Variants in TTC28 observed in about 807,000 individuals in gnomAD.
TTC28 encodes tetratricopeptide repeat domain 28.
A neutral mutation model predicts 198.0 loss-of-function variants in TTC28; 61 were observed. The observed-to-expected ratio is 0.31, with a 90% CI of 0.25 to 0.38. The LOEUF is 0.38. Among genes scored for constraint, TTC28 ranks in the 10% least tolerant of loss-of-function variants. The probability of loss-of-function intolerance (pLI) is 1.00; values close to 1 mark genes in which losing one functional copy is unlikely to be tolerated. For missense variants in TTC28, 2,678 were observed against 3,164.0 expected (o/e 0.85, Z 3.69); for synonymous variants, 1,171 against 1,297.8 (o/e 0.90, Z 2.10).
intron 5 of TTC28, among the ~76,000 whole-genome samples, chr22:28,276,318 T>G (rs769280773): frequency 6.6e-6 from 1 of 152,142 alleles, no homozygotes. Flanking sequence ...TGGCCCACTA[T>G]TTTTTATTAT....
At position 27,992,641 on chromosome 22, in the gene TTC28, T is replaced by C. The variant is rs984516842; in HGVS notation, c.5499A>G (p.Gln1833=). 72 of 1,551,466 alleles carry C rather than the reference T, an allele frequency of 4.6e-5. No individual in the cohort carries two copies. The highest frequency in any genetic ancestry group is 5.8e-5 in the Non-Finnish European group (66 of 1,146,990). The change falls in exon 19 of 23, where the codon CAA becomes CAG. Residue 1833 remains glutamine (Q), a synonymous_variant. Coordinates refer to ENST00000397906, the MANE Select transcript of TTC28 (RefSeq NM_001145418.2). ...AGGCAGTGATGAGTTTGCAAAGGGC[T>C]TGGAGGGCAGGATTGGGCAGACCTA... ...SLLGLPNPAL[Q]ALCKLITASE...
rs772398347 is a variant in TTC28 at position 27,998,834 on chromosome 22, C to T, written c.4825G>A (p.Ala1609Thr). 3.4e-5 allele frequency: 52 copies of T among 1,550,140 alleles called. No homozygotes were observed. In the East Asian group the frequency reaches 7.6e-4, roughly 23 times the overall value. The change falls in exon 16 of 23, where the codon GCC (alanine) becomes ACC (threonine). Residue 1609 changes from alanine to threonine, a missense_variant. By Grantham distance (58) the Ala-to-Thr change is moderately conservative. This residue lies in a region of TTC28 where 727 missense variants were observed against 861.9 expected (regional missense o/e 0.84). Coordinates refer to ENST00000397906, the MANE Select transcript of TTC28 (RefSeq NM_001145418.2). ...GGCAGCTGCAGGTCCAGGACGTCGGCGGCAGTAAGCAGCAGCTCCTGCAGG... is the reference window on the plus strand; with the variant it reads ...GGCAGCTGCAGGTCCAGGACGTCGGTGGCAGTAAGCAGCAGCTCCTGCAGG... ...PPLQELLLTA[A>T]DVLDLQLPVK...
chr22:28,508,610 T>C (rs1007337316), intron 2 of TTC28, among the ~76,000 whole-genome samples: 1 of 151,302 alleles, frequency 6.6e-6, no homozygotes, highest in Non-Finnish European at 1.5e-5. Context: ...AAACCAACAA[T>C]GATCAAAAAA....
chr22:28,532,070 T>C (rs2049152549), intron 2 of TTC28, among the ~76,000 whole-genome samples: 1 of 151,928 alleles, frequency 6.6e-6, no homozygotes, highest in African/African-American at 2.4e-5. Flanking sequence ...AGAGCAGAAC[T>C]GAAGGAGACA....
At chr22:28,335,971 G>A (rs1268428233) in intron 2 of TTC28, among the ~76,000 whole-genome samples, 1 of 152,130 alleles carries the variant, frequency 6.6e-6, no homozygotes, top group African/African-American at 2.4e-5. Context: ...TATTGGCTGT[G>A]GGTTTGTCAT....
chr22:28,609,718 G>A (rs1273373556), intron 2 of TTC28, among the ~76,000 whole-genome samples: 1 of 152,026 alleles, frequency 6.6e-6, no homozygotes. Flanking sequence ...AGTGGCGCCT[G>A]GAATGCCAGT....
intron 5 of TTC28, among the ~76,000 whole-genome samples, chr22:28,233,132 A>G (rs1356124166): frequency 6.6e-6 from 1 of 152,074 alleles, no homozygotes; most frequent in African/African-American, 2.4e-5. Flanking sequence ...TTAATTTTCA[A>G]TTGCTTTTCC....
At chr22:28,123,241 T>G (rs993655728) in intron 6 of TTC28, among the ~76,000 whole-genome samples, 44 of 147,174 alleles carry the variant, frequency 3.0e-4, no homozygotes, top group Admixed American at 1.3e-3. Context: ...CTGTTTCAGG[T>G]TTTTTTTTTT....
intron 2 of TTC28, among the ~76,000 whole-genome samples, chr22:28,335,058 C>G (rs1388800931): frequency 6.6e-6 from 1 of 152,134 alleles, no homozygotes; most frequent in East Asian, 1.9e-4. Context: ...GATCCAGTTT[C>G]AGCTTTCTAC....
chr22:28,350,721 G>T (rs1388031492), intron 2 of TTC28, among the ~76,000 whole-genome samples: 3 of 152,060 alleles, frequency 2.0e-5, no homozygotes, highest in Non-Finnish European at 2.9e-5. Flanking sequence ...AAACAAAGAG[G>T]GCAGGAGTTA....
intron 5 of TTC28, among the ~76,000 whole-genome samples, chr22:28,197,959 C>T (rs1925540027): frequency 6.6e-6 from 1 of 152,074 alleles, no homozygotes; most frequent in Non-Finnish European, 1.5e-5. Flanking sequence ...TTTCACTTCA[C>T]CTTTCAAACA....
intron 6 of TTC28, among the ~76,000 whole-genome samples, chr22:28,112,201 T>C (rs1942501661): frequency 1.3e-5 from 2 of 152,186 alleles, no homozygotes; most frequent in Admixed American, 6.5e-5. Flanking sequence ...TCAATATACT[T>C]TGTAAACTAA....
chr22:28,134,423 G>C (rs1397170506), intron 6 of TTC28, among the ~76,000 whole-genome samples: 1 of 152,174 alleles, frequency 6.6e-6, no homozygotes, highest in Non-Finnish European at 1.5e-5. Context: ...ACTAAAGGAG[G>C]AAGTTCGAAC....
At chr22:28,056,616 G>C (rs1487977191) in intron 12 of TTC28, among the ~76,000 whole-genome samples, 1 of 105,052 alleles carries the variant, frequency 9.5e-6, no homozygotes, top group Non-Finnish European at 2.0e-5. Flanking sequence ...ATACATTTAT[G>C]GTTTTTAATA....
intron 2 of TTC28, among the ~76,000 whole-genome samples, chr22:28,465,645 T>C (rs1402918482): frequency 2.6e-5 from 4 of 152,078 alleles, no homozygotes; most frequent in Non-Finnish European, 5.9e-5. Flanking sequence ...AATTATGCCT[T>C]ATCCTGATTA....
chr22:28,152,175 A>T (rs1485119899), intron 6 of TTC28, among the ~76,000 whole-genome samples: 2 of 152,204 alleles, frequency 1.3e-5, no homozygotes, highest in Non-Finnish European at 2.9e-5. Flanking sequence ...CAATGCAAGT[A>T]ATCAATAGAC....
At chr22:28,027,885 T>C (rs1569091255) in intron 13 of TTC28, among the ~76,000 whole-genome samples, 1 of 152,246 alleles carries the variant, frequency 6.6e-6, no homozygotes, top group South Asian at 2.1e-4. Context: ...CTGGCCTATG[T>C]GTGCTCAGCT....
At chr22:28,354,496 A>G (rs1460940106) in intron 2 of TTC28, among the ~76,000 whole-genome samples, 1 of 152,148 alleles carries the variant, frequency 6.6e-6, no homozygotes, top group Non-Finnish European at 1.5e-5. Flanking sequence ...AACAGAAAGT[A>G]AAAAAGAGGT....
chr22:28,037,883 C>G (rs1271931242), intron 12 of TTC28, among the ~76,000 whole-genome samples: 1 of 152,132 alleles, frequency 6.6e-6, no homozygotes, highest in Non-Finnish European at 1.5e-5. Context: ...AACAGACAAA[C>G]AGAGAGCCAA....
Sources: gnomAD v4.1 joint callset for allele counts (sites outside exome capture counted in the v4.1 genomes callset) on GRCh38, gnomAD v4.1.1 for gene constraint, gnomAD v4.1.1 regional missense constraint, MANE v1.5 for transcripts, NCBI Gene and HGNC (gene_info 2026-07-23, HGNC 2026-07-21) for gene names.